SGMS1: variants seen among roughly 807,000 people sequenced by gnomAD.
SGMS1 encodes sphingomyelin synthase 1.
SGMS1 carries 13 observed loss-of-function variants against 46.2 expected under a neutral mutation model. The observed-to-expected ratio is 0.28, with a 90% CI of 0.18 to 0.45. The LOEUF is 0.45. Ranked by LOEUF, SGMS1 falls within the 20% of genes least tolerant of loss-of-function variation. The probability of loss-of-function intolerance (pLI) is 1.00; values close to 1 mark genes in which losing one functional copy is unlikely to be tolerated. For synonymous variants in SGMS1, 203 were observed against 187.8 expected (o/e 1.08, Z -0.66); for missense variants, 324 against 519.9 (o/e 0.62, Z 3.66).
chr10:50,364,951 C>T (rs1410715574), intron 6 of SGMS1, among the ~76,000 whole-genome samples: 3 of 151,986 alleles, frequency 2.0e-5, no homozygotes, highest in Non-Finnish European at 4.4e-5. Flanking sequence ...ACCCAGTCAC[C>T]ACGCCTAACA....
chr10:50,558,968 T>C (rs1428923534), intron 2 of SGMS1, among the ~76,000 whole-genome samples: 3 of 152,098 alleles, frequency 2.0e-5, no homozygotes, highest in Non-Finnish European at 4.4e-5. Context: ...TCAAAAGTTA[T>C]ACACAGATGT....
chr10:50,421,737 C>T (rs1014035649), intron 6 of SGMS1, among the ~76,000 whole-genome samples: 6 of 152,106 alleles, frequency 3.9e-5, no homozygotes, highest in Admixed American at 2.0e-4. Flanking sequence ...GTAGTGGAGA[C>T]GGTGGGGGCC....
intron 5 of SGMS1, among the ~76,000 whole-genome samples, chr10:50,455,276 A>T (rs1837177398): frequency 1.3e-5 from 2 of 152,184 alleles, no homozygotes. Flanking sequence ...CTCAGGCCCT[A>T]TTTGACACCA....
chr10:50,566,841 T>C (rs1206496029), intron 2 of SGMS1, among the ~76,000 whole-genome samples: 1 of 152,196 alleles, frequency 6.6e-6, no homozygotes, highest in Non-Finnish European at 1.5e-5. Context: ...TCCTCTTAAA[T>C]ATTTTCAGTC....
chr10:50,540,320 G>A (rs1441694561), intron 2 of SGMS1, among the ~76,000 whole-genome samples: 1 of 152,086 alleles, frequency 6.6e-6, no homozygotes, highest in African/African-American at 2.4e-5. Flanking sequence ...AAATAGACTG[G>A]CTCGTCTGGC....
chr10:50,565,231 A>G (rs966368805), intron 2 of SGMS1, among the ~76,000 whole-genome samples: 2 of 152,208 alleles, frequency 1.3e-5, no homozygotes, highest in African/African-American at 4.8e-5. Flanking sequence ...GGCTTAGTAC[A>G]CAGTGTCTTA....
chr10:50,469,014 C>T (rs1208966110), intron 3 of SGMS1, among the ~76,000 whole-genome samples: 1 of 152,162 alleles, frequency 6.6e-6, no homozygotes. Flanking sequence ...GAATCCCCAA[C>T]TTAACCAGAT....
At chr10:50,352,371 G>A (rs1848033814) in intron 6 of SGMS1, among the ~76,000 whole-genome samples, 1 of 152,192 alleles carries the variant, frequency 6.6e-6, no homozygotes, top group South Asian at 2.1e-4. Context: ...TGGGCTCAGA[G>A]AAGAACTGCC....
intron 6 of SGMS1, among the ~76,000 whole-genome samples, chr10:50,362,495 T>C (rs1053928821): frequency 5.3e-5 from 8 of 152,170 alleles, no homozygotes; most frequent in South Asian, 2.1e-4. Flanking sequence ...TTATACTATC[T>C]GCGTAGTGTG....
chr10:50,357,553 C>T (rs1372153347), intron 6 of SGMS1, among the ~76,000 whole-genome samples: 1 of 152,128 alleles, frequency 6.6e-6, no homozygotes, highest in African/African-American at 2.4e-5. Flanking sequence ...AATCTGAATT[C>T]TAACACTTGT....
intron 6 of SGMS1, among the ~76,000 whole-genome samples, chr10:50,346,404 G>A (rs913974265): frequency 6.6e-6 from 1 of 151,896 alleles, no homozygotes; most frequent in African/African-American, 2.4e-5. Context: ...CTCAAATGAT[G>A]ACTGTTGCAA....
intron 5 of SGMS1, among the ~76,000 whole-genome samples, chr10:50,454,050 C>CAA (rs71846628): frequency 0.42 from 40,681 of 97,420 alleles, 7,138 homozygotes; most frequent in Admixed American, 0.51. Context: ...TTTACATAGG[C>CAA]AAAAAAAAAA....
chr10:50,612,619 T>G (rs1320351743), intron 1 of SGMS1, among the ~76,000 whole-genome samples: 2 of 152,232 alleles, frequency 1.3e-5, no homozygotes, highest in Non-Finnish European at 2.9e-5. Flanking sequence ...CTTTTAAAAG[T>G]TGATTTATCT....
intron 8 of SGMS1, among the ~76,000 whole-genome samples, chr10:50,320,358 T>C (rs1847420562): frequency 6.6e-6 from 1 of 152,242 alleles, no homozygotes; most frequent in Non-Finnish European, 1.5e-5. Context: ...CCAACTGCAA[T>C]TTTATCCCAC....
intron 7 of SGMS1, among the ~76,000 whole-genome samples, chr10:50,332,110 C>T (rs1847632984): frequency 6.6e-6 from 1 of 152,300 alleles, no homozygotes; most frequent in Admixed American, 6.5e-5. Context: ...TTAATAAAAT[C>T]CAAATCTTTT....
At chr10:50,610,037 T>G (rs1407735788) in intron 1 of SGMS1, among the ~76,000 whole-genome samples, 1 of 152,192 alleles carries the variant, frequency 6.6e-6, no homozygotes, top group East Asian at 1.9e-4. Context: ...CAACCTCCTC[T>G]TCTTGCTCAG....
rs574510665 is a variant in SGMS1 at position 50,616,288 on chromosome 10, T to C, written c.-684+7419A>G. ...GGTGCACACCACCACAACTGGCTAATTTTATGTATTTATTTATTTATTTAT... is the reference window on the plus strand; with the variant it reads ...GGTGCACACCACCACAACTGGCTAACTTTATGTATTTATTTATTTATTTAT... On this transcript the variant is annotated intron_variant, in intron 1 of 10. Coordinates refer to ENST00000361781, the MANE Select transcript of SGMS1 (RefSeq NM_147156.4). 4.6e-5 allele frequency among the ~76,000 whole-genome samples: 7 copies of C among 150,588 alleles called. No individual in the cohort carries two copies. The South Asian group carries it at 1.5e-3, about 31-fold the overall frequency.
chr10:50,419,704 G>T (rs1457470808), intron 6 of SGMS1, among the ~76,000 whole-genome samples: 2 of 152,176 alleles, frequency 1.3e-5, no homozygotes, highest in Admixed American at 1.3e-4. Flanking sequence ...ATTAAGAAAT[G>T]AGTTGATTGC....
chr10:50,309,110 T>C (rs928309318), intron 9 of SGMS1, among the ~76,000 whole-genome samples: 1 of 152,040 alleles, frequency 6.6e-6, no homozygotes, highest in African/African-American at 2.4e-5. Context: ...TTATGTTAGG[T>C]GTTAAAGGCT....
Sources: allele counts gnomAD v4.1 joint callset (sites outside exome capture counted in the v4.1 genomes callset), GRCh38; gene constraint gnomAD v4.1.1; transcripts MANE v1.5; gene names NCBI Gene and HGNC (gene_info 2026-07-23, HGNC 2026-07-21).